Variants in SOX6 observed in about 807,000 individuals in gnomAD.
The protein encoded by SOX6 is transcription factor SOX-6.
A neutral mutation model predicts 97.8 loss-of-function variants in SOX6; 11 were observed. The observed-to-expected ratio is 0.11, with a 90% CI of 0.07 to 0.19. The LOEUF (loss-of-function observed/expected upper bound fraction) is 0.19, where lower values mean the gene tolerates loss of function less well. Ranked by LOEUF, SOX6 falls within the 10% of genes least tolerant of loss-of-function variation. SOX6 has a pLI of 1.00. For synonymous variants in SOX6, 360 were observed against 371.4 expected, an observed-to-expected ratio of 0.97 and a Z score of 0.35; for missense variants, 810 against 1,039.5, an observed-to-expected ratio of 0.78 and a Z score of 3.04.
intron 7 of SOX6, among the ~76,000 whole-genome samples, chr11:16,102,129 T>C (rs926460695): frequency 6.6e-6 from 1 of 151,556 alleles, no homozygotes; most frequent in East Asian, 1.9e-4. Context: ...ACCTAGAAAG[T>C]CCTAAAGACT....
rs540143271 is a variant in SOX6, at chr11:16,422,434, C to T, written c.-5+53881G>A. Among the ~76,000 whole-genome samples, 5 of 152,314 alleles carry T rather than the reference C, an allele frequency of 3.3e-5. No homozygotes were observed. In the East Asian group the frequency reaches 9.6e-4, roughly 29 times the overall value. On this transcript the variant is annotated intron_variant, in intron 1 of 15. Coordinates refer to the SOX6 transcript ENST00000396356. ...AACAAACCTCAGACTACAGATAGGACACCATGTCAGGTACTACTGAAGCAA... is the reference window on the plus strand; with the variant it reads ...AACAAACCTCAGACTACAGATAGGATACCATGTCAGGTACTACTGAAGCAA...
In SOX6 at chr11:16,300,106, C is replaced by T. The variant is rs1164383641; in HGVS notation, c.445+18340G>A. The stretch of plus-strand genomic sequence containing the variant: ...TTCAGACAAAACATGGAGGTGAGGG[C>T]GGCTGCTCACTGTGGGATGGCAAGC... On this transcript the variant is annotated intron_variant, in intron 3 of 15. Coordinates refer to ENST00000683767, the MANE Select transcript of SOX6 (RefSeq NM_001367873.1). This position sits in a 1 kb window ranked among gnomAD's most constrained non-coding sequence, Gnocchi z 4.1. Among the ~76,000 whole-genome samples the T allele has an allele frequency of 4.6e-5, 7 of 152,196 alleles. No homozygotes were observed. In the East Asian group the frequency reaches 5.8e-4, roughly 13 times the overall value.
chr11:16,272,588 A>G (rs990075243), intron 3 of SOX6, among the ~76,000 whole-genome samples: 12 of 151,842 alleles, frequency 7.9e-5, no homozygotes, highest in Non-Finnish European at 1.6e-4. Flanking sequence ...CCAACCAATC[A>G]ATATTTTATA....
intron 4 of SOX6, among the ~76,000 whole-genome samples, chr11:16,511,577 A>G (rs1318343101): frequency 6.6e-6 from 1 of 152,130 alleles, no homozygotes; most frequent in Non-Finnish European, 1.5e-5. Context: ...CAGTGAGTAG[A>G]ATGCTGGCAA....
At chr11:16,652,718 C>T (rs1156611700) in intron 3 of SOX6, among the ~76,000 whole-genome samples, 1 of 151,926 alleles carries the variant, frequency 6.6e-6, no homozygotes, top group African/African-American at 2.4e-5. Context: ...GAGTTCATGA[C>T]CAAGAACCCA....
intron 9 of SOX6, among the ~76,000 whole-genome samples, chr11:16,058,423 A>G (rs1291761822): frequency 6.6e-6 from 1 of 152,014 alleles, no homozygotes; most frequent in Non-Finnish European, 1.5e-5. Context: ...AGTGTCTGGT[A>G]TTCATTGGCT....
intron 15 of SOX6, among the ~76,000 whole-genome samples, chr11:15,978,563 T>C (rs1170325152): frequency 1.3e-5 from 2 of 151,550 alleles, no homozygotes; most frequent in Non-Finnish European, 2.9e-5. Flanking sequence ...CCCTGCCATC[T>C]AAGCACCGAA....
intron 3 of SOX6, among the ~76,000 whole-genome samples, chr11:16,295,595 C>A (rs1425944916): frequency 1.3e-5 from 2 of 152,068 alleles, no homozygotes; most frequent in African/African-American, 4.8e-5. Context: ...GAACTCCCTT[C>A]ACAAAACAAG....
At chr11:16,127,444 C>T (rs941252732) in intron 6 of SOX6, among the ~76,000 whole-genome samples, 20 of 151,842 alleles carry the variant, frequency 1.3e-4, no homozygotes, top group Admixed American at 9.9e-4. Flanking sequence ...AAAAATTATG[C>T]TCAAATATAA....
intron 6 of SOX6, among the ~76,000 whole-genome samples, chr11:16,158,760 AT>A (rs1327551645): frequency 6.6e-6 from 1 of 151,968 alleles, no homozygotes; most frequent in Non-Finnish European, 1.5e-5. Flanking sequence ...CTGACTCATC[AT>A]TATTATTATG....
At chr11:16,048,061 G>A (rs1326441396) in intron 11 of SOX6, among the ~76,000 whole-genome samples, 1 of 151,874 alleles carries the variant, frequency 6.6e-6, no homozygotes, top group East Asian at 1.9e-4. Context: ...ATAAAAGCAG[G>A]GCCTGTGACT....
intron 13 of SOX6, among the ~76,000 whole-genome samples, chr11:15,992,052 T>C (rs1854069672): frequency 6.6e-6 from 1 of 152,232 alleles, no homozygotes; most frequent in East Asian, 1.9e-4. Flanking sequence ...AGCAATTCTC[T>C]GGGACTCACA....
At chr11:16,256,408 C>T (rs1853687077) in intron 3 of SOX6, among the ~76,000 whole-genome samples, 1 of 151,864 alleles carries the variant, frequency 6.6e-6, no homozygotes, top group Non-Finnish European at 1.5e-5. Flanking sequence ...CTCAAAAAAT[C>T]AATTAATGGA....
At chr11:16,177,074 T>C (rs1851208175) in intron 6 of SOX6, among the ~76,000 whole-genome samples, 1 of 151,918 alleles carries the variant, frequency 6.6e-6, no homozygotes, top group Non-Finnish European at 1.5e-5. Context: ...AATAAAACTA[T>C]TGAAAAACAA....
chr11:16,682,820 G>T (rs1315052957), intron 3 of SOX6, among the ~76,000 whole-genome samples: 1 of 152,122 alleles, frequency 6.6e-6, no homozygotes, highest in Non-Finnish European at 1.5e-5. Context: ...AGATGACATG[G>T]TTGTATATTT....
At chr11:16,364,858 C>T (rs771647961) in intron 1 of SOX6, among the ~76,000 whole-genome samples, 2 of 152,160 alleles carry the variant, frequency 1.3e-5, no homozygotes, top group Non-Finnish European at 2.9e-5. Context: ...TCAGATCCCA[C>T]GATTTTGACA....
rs114826187 is a variant in SOX6 at position 16,032,327 on chromosome 11, C to T, written c.1623+14187G>A. Among the ~76,000 whole-genome samples the T allele has an allele frequency of 7.9e-3, 1,204 of 152,104 alleles. 18 individuals carry two copies. Among genetic ancestry groups the T allele is most frequent in the African/African-American group, 0.027 (1,119 of 41,492 alleles). On this transcript the variant is annotated intron_variant, in intron 12 of 15. Coordinates refer to ENST00000683767, the MANE Select transcript of SOX6 (RefSeq NM_001367873.1). ...TCGATTTGTTAGTCTATAATGGGGG[C>T]TAATAAAAGATATCAATAATCTTTA...
intron 6 of SOX6, among the ~76,000 whole-genome samples, chr11:16,171,658 T>C (rs985449367): frequency 6.6e-6 from 1 of 151,896 alleles, no homozygotes; most frequent in African/African-American, 2.4e-5. Context: ...AAAACAAAGT[T>C]TATTTATAAA....
chr11:16,109,918 C>T (rs1011543783), intron 7 of SOX6, among the ~76,000 whole-genome samples: 1 of 152,148 alleles, frequency 6.6e-6, no homozygotes, highest in Non-Finnish European at 1.5e-5. Flanking sequence ...TCAAATACAG[C>T]TCTGTTACCC....
Sources: allele counts gnomAD v4.1 joint callset (sites outside exome capture counted in the v4.1 genomes callset), GRCh38; gene constraint gnomAD v4.1.1; non-coding constraint Gnocchi (gnomAD v3.1); transcripts MANE v1.5; gene names NCBI Gene and HGNC (gene_info 2026-07-23, HGNC 2026-07-21).